The following ALCAM variants were observed in gnomAD, a reference collection of about 807,000 sequenced individuals.
ALCAM encodes CD166 antigen.
A neutral mutation model predicts 70.9 loss-of-function variants in ALCAM; 30 were observed. That is an observed-to-expected ratio of 0.42 (90% CI 0.32 to 0.57). The LOEUF (loss-of-function observed/expected upper bound fraction) is 0.57. Ranked by LOEUF, ALCAM falls within the 20% of genes least tolerant of loss-of-function variation. ALCAM has a pLI of 0.11. For missense variants in ALCAM, 591 were observed against 695.1 expected, an observed-to-expected ratio of 0.85 and a Z score of 1.68; for synonymous variants, 249 against 242.5, an observed-to-expected ratio of 1.03 and a Z score of -0.25.
At chr3:105,395,675 C>T (rs1048713129) in intron 1 of ALCAM, among the ~76,000 whole-genome samples, 6 of 151,852 alleles carry the variant, frequency 4.0e-5, no homozygotes, top group South Asian at 4.1e-4. Context: ...GGATATATAA[C>T]GAGGGAACAA....
intron 1 of ALCAM, among the ~76,000 whole-genome samples, chr3:105,489,647 T>A (rs968109956): frequency 5.8e-4 from 89 of 152,324 alleles, no homozygotes; most frequent in African/African-American, 2.1e-3. Context: ...AATTATATAA[T>A]TAAATGGGTA....
chr3:105,390,217 A>C (rs986239890), intron 1 of ALCAM, among the ~76,000 whole-genome samples: 14 of 151,796 alleles, frequency 9.2e-5, no homozygotes, highest in African/African-American at 3.4e-4. Context: ...GTGTAAAAGC[A>C]TTCCTATTTC....
At chr3:105,564,833 G>T (rs992799351) in intron 14 of ALCAM, among the ~76,000 whole-genome samples, 1 of 152,208 alleles carries the variant, frequency 6.6e-6, no homozygotes, top group Non-Finnish European at 1.5e-5. Context: ...ATTGCTTGAT[G>T]CCAGGAGTTT....
chr3:105,525,062 A>G, intron 3 of ALCAM: 1 of 879,698 alleles, frequency 1.1e-6, no homozygotes, highest in Non-Finnish European at 1.4e-6. Context: ...TATATATATT[A>G]GAGATATAGA....
At chr3:105,431,408 C>G (rs1290080253) in intron 1 of ALCAM, among the ~76,000 whole-genome samples, 1 of 152,112 alleles carries the variant, frequency 6.6e-6, no homozygotes, top group African/African-American at 2.4e-5. Context: ...CAACTCAGCT[C>G]TGGTCCATGG....
rs1559818206 is a variant in ALCAM at position 105,516,759 on chromosome 3, A to G, written c.74-3308A>G. On this transcript the variant is annotated intron_variant, in intron 1 of 15. Coordinates refer to ENST00000306107, the MANE Select transcript of ALCAM (RefSeq NM_001627.4). ...AAAGTTTCTTTTGACCTGTGCTTATACACACAGCCATAACACATACAGAAC... is the reference window on the plus strand; with the variant it reads ...AAAGTTTCTTTTGACCTGTGCTTATGCACACAGCCATAACACATACAGAAC... 4.6e-5 allele frequency among the ~76,000 whole-genome samples: 7 copies of G among 152,248 alleles called. No individual in the cohort carries two copies. The South Asian group carries it at 1.4e-3, about 32-fold the overall frequency.
chr3:105,382,722 C>G (rs1203517452), intron 1 of ALCAM, among the ~76,000 whole-genome samples: 1 of 151,846 alleles, frequency 6.6e-6, no homozygotes, highest in Admixed American at 6.6e-5. Context: ...GTGTCTCTTG[C>G]CTGCATAAAT....
chr3:105,484,787 A>G (rs1938377528), intron 1 of ALCAM, among the ~76,000 whole-genome samples: 1 of 152,130 alleles, frequency 6.6e-6, no homozygotes, highest in African/African-American at 2.4e-5. Context: ...AAACATGTGG[A>G]ATAAACAGCT....
intron 1 of ALCAM, among the ~76,000 whole-genome samples, chr3:105,474,395 A>G (rs1938034369): frequency 6.6e-6 from 1 of 151,784 alleles, no homozygotes; most frequent in African/African-American, 2.4e-5. Context: ...GAGGTTTTAT[A>G]TGAAAAATTT....
At chr3:105,512,014 T>A (rs1409092513) in intron 1 of ALCAM, among the ~76,000 whole-genome samples, 4 of 152,044 alleles carry the variant, frequency 2.6e-5, no homozygotes, top group South Asian at 2.1e-4. Context: ...ACAGTTCATG[T>A]AAGCTATTAT....
chr3:105,441,690 C>T (rs1937174062), intron 1 of ALCAM, among the ~76,000 whole-genome samples: 1 of 152,080 alleles, frequency 6.6e-6, no homozygotes, highest in Admixed American at 6.6e-5. Context: ...TCTGTTTTTC[C>T]ACACATCATC....
chr3:105,419,529 G>T (rs1404856859), intron 1 of ALCAM, among the ~76,000 whole-genome samples: 1 of 151,780 alleles, frequency 6.6e-6, no homozygotes. Context: ...AAACTGCATT[G>T]CAGAGAACAT....
intron 1 of ALCAM, among the ~76,000 whole-genome samples, chr3:105,377,126 A>T (rs977617441): frequency 6.6e-6 from 1 of 152,152 alleles, no homozygotes; most frequent in Non-Finnish European, 1.5e-5. Flanking sequence ...TTCATTTAAC[A>T]GTACATTTTG....
At chr3:105,420,424 T>A (rs1936618965) in intron 1 of ALCAM, among the ~76,000 whole-genome samples, 1 of 151,744 alleles carries the variant, frequency 6.6e-6, no homozygotes, top group African/African-American at 2.4e-5. Flanking sequence ...CAACTTTGCC[T>A]CTGAGAATGT....
At chr3:105,419,186 GT>G (rs5851456) in intron 1 of ALCAM, among the ~76,000 whole-genome samples, 104,340 of 151,370 alleles carry the variant, frequency 0.69, 36,285 homozygotes, top group East Asian at 0.93. Context: ...ATAGTTTAAA[GT>G]TAGGTTCTCT....
At chr3:105,570,389 T>G (rs1049611271) in intron 14 of ALCAM, among the ~76,000 whole-genome samples, 2 of 151,982 alleles carry the variant, frequency 1.3e-5, no homozygotes, top group African/African-American at 4.8e-5. Flanking sequence ...AAATTGACAT[T>G]TGGGAACTGA....
At chr3:105,455,290 A>T (rs1250519984) in intron 1 of ALCAM, among the ~76,000 whole-genome samples, 1 of 151,674 alleles carries the variant, frequency 6.6e-6, no homozygotes, top group Non-Finnish European at 1.5e-5. Flanking sequence ...AAATACAAAA[A>T]AATTAGCCGG....
At chr3:105,480,063 AAC>A (rs1938227421) in intron 1 of ALCAM, among the ~76,000 whole-genome samples, 1 of 152,190 alleles carries the variant, frequency 6.6e-6, no homozygotes, top group Non-Finnish European at 1.5e-5. Flanking sequence ...CCCCCCAAAA[AAC>A]ACACAGTTGA....
chr3:105,565,747 T>C (rs1386787503), intron 14 of ALCAM, among the ~76,000 whole-genome samples: 1 of 152,178 alleles, frequency 6.6e-6, no homozygotes. Context: ...TCAGCTTAAC[T>C]TTTTTTGGAG....
Sources: allele counts gnomAD v4.1 joint callset (sites outside exome capture counted in the v4.1 genomes callset), GRCh38; gene constraint gnomAD v4.1.1; transcripts MANE v1.5; gene names NCBI Gene and HGNC (gene_info 2026-07-23, HGNC 2026-07-21).